The following SRRM4 variants were observed in gnomAD, a reference collection of about 807,000 sequenced individuals.
The protein encoded by SRRM4 is serine/arginine repetitive matrix protein 4.
SRRM4 carries 33 observed loss-of-function variants against 68.9 expected under a neutral mutation model. The observed-to-expected ratio is 0.48, with a 90% CI of 0.36 to 0.64. The LOEUF is 0.64. Ranked by LOEUF, SRRM4 falls within the 30% of genes least tolerant of loss-of-function variation. The pLI is 0.00. For missense variants in SRRM4, 817 were observed against 827.1 expected (o/e 0.99, Z 0.15); for synonymous variants, 318 against 318.8 (o/e 1.00, Z 0.03).
intron 1 of SRRM4, among the ~76,000 whole-genome samples, chr12:119,061,273 G>T (rs1953810359): frequency 6.6e-6 from 1 of 152,326 alleles, no homozygotes; most frequent in South Asian, 2.1e-4. Flanking sequence ...TGGGGGCAGA[G>T]TGTCCTTGAG....
At chr12:118,983,495 T>C (rs891665322) in intron 1 of SRRM4, among the ~76,000 whole-genome samples, 4 of 152,180 alleles carry the variant, frequency 2.6e-5, no homozygotes, top group African/African-American at 9.7e-5. Flanking sequence ...TTGACGTCAG[T>C]GGTTTTTATC....
chr12:119,066,547 C>T (rs6490233), intron 1 of SRRM4, among the ~76,000 whole-genome samples: 86,498 of 152,050 alleles, frequency 0.57, 25,630 homozygotes, highest in Middle Eastern at 0.74. Flanking sequence ...TCAGAAACTT[C>T]GGAAGTGGGG....
intron 7 of SRRM4, among the ~76,000 whole-genome samples, chr12:119,127,991 A>G (rs2136056401): frequency 6.6e-6 from 1 of 152,292 alleles, no homozygotes; most frequent in Non-Finnish European, 1.5e-5. Flanking sequence ...CCACCCTCTC[A>G]ACATTCTGAT....
At chr12:119,119,029 A>G (rs2136050890) in intron 4 of SRRM4, among the ~76,000 whole-genome samples, 1 of 147,258 alleles carries the variant, frequency 6.8e-6, no homozygotes, top group South Asian at 2.2e-4. Context: ...GATGGGACCT[A>G]GGGGTAGCGA....
At chr12:119,002,407 G>C (rs1323288126) in intron 1 of SRRM4, among the ~76,000 whole-genome samples, 1 of 152,092 alleles carries the variant, frequency 6.6e-6, no homozygotes, top group Non-Finnish European at 1.5e-5. Flanking sequence ...AGATGAGCCA[G>C]ATATGGTCCC....
chr12:119,104,898 C>A (rs1188510376), intron 2 of SRRM4, among the ~76,000 whole-genome samples: 1 of 151,410 alleles, frequency 6.6e-6, no homozygotes, highest in African/African-American at 2.4e-5. Flanking sequence ...TATACATGTG[C>A]CATGTTGGTG....
chr12:119,014,154 C>T (rs1438992326), intron 1 of SRRM4, among the ~76,000 whole-genome samples: 11 of 151,982 alleles, frequency 7.2e-5, no homozygotes, highest in Admixed American at 7.2e-4. Context: ...TTATATTTTG[C>T]TATGATTACC....
At chr12:119,120,809 G>C (rs570371118) in intron 5 of SRRM4, among the ~76,000 whole-genome samples, 1 of 152,282 alleles carries the variant, frequency 6.6e-6, no homozygotes, top group Middle Eastern at 3.4e-3. Context: ...TTACAGATGA[G>C]GAAACTGAGA....
chr12:118,999,811 C>G (rs893109142), intron 1 of SRRM4, among the ~76,000 whole-genome samples: 1 of 152,198 alleles, frequency 6.6e-6, no homozygotes, highest in African/African-American at 2.4e-5. Flanking sequence ...TATGCTACCT[C>G]TGTGTCAATC....
At chr12:119,032,857 G>A (rs1231375564) in intron 1 of SRRM4, among the ~76,000 whole-genome samples, 1 of 151,894 alleles carries the variant, frequency 6.6e-6, no homozygotes, top group African/African-American at 2.4e-5. Context: ...ATGTTAATAT[G>A]GTAATTTATG....
chr12:119,064,436 T>C (rs902438451), intron 1 of SRRM4, among the ~76,000 whole-genome samples: 2 of 152,224 alleles, frequency 1.3e-5, no homozygotes, highest in African/African-American at 2.4e-5. Flanking sequence ...TTTTTAGTGA[T>C]GGCACTGGAG....
intron 1 of SRRM4, among the ~76,000 whole-genome samples, chr12:119,023,256 A>G (rs1237974311): frequency 6.6e-6 from 1 of 152,178 alleles, no homozygotes; most frequent in Non-Finnish European, 1.5e-5. Flanking sequence ...TCAGTGACAA[A>G]TTAGAAACCA....
chr12:119,071,919 T>C (rs7977541), intron 1 of SRRM4, among the ~76,000 whole-genome samples: 1,638 of 152,312 alleles, frequency 0.011, 39 homozygotes, highest in African/African-American at 0.037. Flanking sequence ...ACACAGTCCA[T>C]GCCCATGAAT....
chr12:119,130,693 C>T lies in SRRM4; in HGVS notation c.630C>T (p.Ser210=). The T allele has an allele frequency of 6.2e-7, 1 of 1,611,116 alleles. No individual in the cohort carries two copies. The highest frequency in any genetic ancestry group is 8.5e-7 in the Non-Finnish European group (1 of 1,179,554). Residue 210 remains serine (S), a synonymous_variant, in exon 8 of 13, where the codon TCC becomes TCT. Coordinates refer to ENST00000267260, the MANE Select transcript of SRRM4 (RefSeq NM_194286.4). ...CCATCCCCAGGCACCGCGGCCGGTC[C>T]CCTGAGGAAGGGCAGAAGTCCCGCC... The part of the protein sequence containing the change: ...SSCESRHRGR[S]PEEGQKSRRR...
At chr12:119,132,247 G>T (rs1326210852) in intron 8 of SRRM4, 1 of 152,172 alleles carries the variant, frequency 6.6e-6, no homozygotes. Flanking sequence ...TAGAGGCCTA[G>T]ATTTGAGTCT....
intron 9 of SRRM4, among the ~76,000 whole-genome samples, chr12:119,149,915 G>A (rs1441856542): frequency 1.3e-5 from 2 of 152,192 alleles, no homozygotes; most frequent in Non-Finnish European, 2.9e-5. Flanking sequence ...ACAGAGGTCA[G>A]CCTGGCCCTA....
rs145630609 is a variant in SRRM4, at chr12:119,144,029, G to A, written c.772-1352G>A. On this transcript the variant is annotated intron_variant, in intron 8 of 12. Transcript: ENST00000267260. ...GTCTGAATATTTAAAGAAACCCCTC[G>A]CCATCCTGCTTCTAAACGCGTGCCC... Among the ~76,000 whole-genome samples the A allele has an allele frequency of 4.2e-3, 636 of 152,132 alleles. 3 individuals are homozygous for A. Among genetic ancestry groups the A allele is most frequent in the Non-Finnish European group, 6.2e-3 (419 of 68,000 alleles).
In SRRM4 at chr12:119,004,020, T is replaced by A. The variant is rs1204499069; in HGVS notation, c.131+22007T>A. On this transcript the variant is annotated intron_variant, in intron 1 of 12. Coordinates refer to ENST00000267260, the MANE Select transcript of SRRM4 (RefSeq NM_194286.4). ...AGTTATTTAATTAATAAAAATTATGTTCTAGTCTGGATTTTGGATGTTTGT... is the reference window on the plus strand; with the variant it reads ...AGTTATTTAATTAATAAAAATTATGATCTAGTCTGGATTTTGGATGTTTGT... Among the ~76,000 whole-genome samples, 3 of 152,072 alleles carry A rather than the reference T, an allele frequency of 2.0e-5. No individual in the cohort carries two copies. In the East Asian group the frequency reaches 5.9e-4, roughly 30 times the overall value.
rs147016934 is a variant in SRRM4, at chr12:119,123,913, C to G, written c.516-1468C>G. ...CTGGTCACAGAACAGCAGACGAAAC[C>G]CTGGGCATTGTGGGAACACAGGCAC... On this transcript the variant is annotated intron_variant, in intron 6 of 12. Transcript: ENST00000267260. Among the ~76,000 whole-genome samples the G allele has an allele frequency of 2.0e-3, 311 of 152,206 alleles. 1 individual carries two copies. Among genetic ancestry groups the G allele is most frequent in the African/African-American group, 6.5e-3 (268 of 41,546 alleles).
Sources: allele counts gnomAD v4.1 joint callset (sites outside exome capture counted in the v4.1 genomes callset), GRCh38; gene constraint gnomAD v4.1.1; transcripts MANE v1.5; gene names NCBI Gene and HGNC (gene_info 2026-07-23, HGNC 2026-07-21).